GRIN2A: variants seen among roughly 807,000 people sequenced by gnomAD.
GRIN2A encodes glutamate receptor ionotropic, NMDA 2A.
A neutral mutation model predicts 113.4 loss-of-function variants in GRIN2A; 22 were observed. The ratio of observed to expected loss-of-function variants is 0.19; its 90% confidence interval spans 0.14 to 0.28. The LOEUF is 0.28. GRIN2A is among the 10% of genes least tolerant of loss of function. The probability of loss-of-function intolerance (pLI) is 1.00; values close to 1 mark genes in which losing one functional copy is unlikely to be tolerated. For synonymous variants in GRIN2A, 827 were observed against 738.4 expected (o/e 1.12, Z -1.94); for missense variants, 1,502 against 1,887.0 (o/e 0.80, Z 3.78).
chr16:9,987,297 C>T (rs1375439907), intron 2 of GRIN2A, among the ~76,000 whole-genome samples: 4 of 152,166 alleles, frequency 2.6e-5, no homozygotes, highest in African/African-American at 7.2e-5. Flanking sequence ...TATATTTCTT[C>T]CTTTTATAAA....
At chr16:10,124,905 T>C (rs1318309708) in intron 2 of GRIN2A, among the ~76,000 whole-genome samples, 3 of 152,146 alleles carry the variant, frequency 2.0e-5, no homozygotes, top group Non-Finnish European at 4.4e-5. Context: ...AAAGCCAAGT[T>C]GTGAAGAAGT....
At chr16:9,872,034 G>A (rs1596523340) in intron 4 of GRIN2A, among the ~76,000 whole-genome samples, 2 of 152,228 alleles carry the variant, frequency 1.3e-5, no homozygotes, top group Non-Finnish European at 2.9e-5. Context: ...CAATAATAGT[G>A]CCAATATCAT....
intron 2 of GRIN2A, among the ~76,000 whole-genome samples, chr16:10,115,499 C>T (rs149321456): frequency 1.4e-3 from 210 of 152,346 alleles, no homozygotes; most frequent in African/African-American, 4.6e-3. Flanking sequence ...TCCATGTGCA[C>T]ACCCTGGGGC....
chr16:9,833,235 T>G (rs1052194635), intron 8 of GRIN2A, among the ~76,000 whole-genome samples: 3 of 152,218 alleles, frequency 2.0e-5, no homozygotes, highest in African/African-American at 7.2e-5. Context: ...TTATTTCCTA[T>G]CTACTGATTG....
chr16:9,820,020 T>A (rs1198875700), intron 10 of GRIN2A, among the ~76,000 whole-genome samples: 1 of 151,482 alleles, frequency 6.6e-6, no homozygotes, highest in Non-Finnish European at 1.5e-5. Context: ...CATGGGAGAT[T>A]GAGTATAGAA....
chr16:10,153,103 G>C (rs1271437603), intron 2 of GRIN2A, among the ~76,000 whole-genome samples: 2 of 152,142 alleles, frequency 1.3e-5, no homozygotes, highest in Admixed American at 1.3e-4. Context: ...CGATAATTTT[G>C]TGTCCATGTA....
intron 2 of GRIN2A, among the ~76,000 whole-genome samples, chr16:10,080,241 C>T (rs1311585396): frequency 6.6e-6 from 1 of 152,172 alleles, no homozygotes; most frequent in Non-Finnish European, 1.5e-5. Flanking sequence ...CCAAGGCAGT[C>T]ATCAAATATT....
chr16:9,860,909 C>T (rs898458279), intron 4 of GRIN2A, among the ~76,000 whole-genome samples: 1 of 152,114 alleles, frequency 6.6e-6, no homozygotes, highest in Admixed American at 6.5e-5. Context: ...AAGAAGTATC[C>T]GCTGAACTGA....
chr16:9,858,297 T>C (rs961565444), intron 4 of GRIN2A, among the ~76,000 whole-genome samples: 2 of 152,176 alleles, frequency 1.3e-5, no homozygotes, highest in African/African-American at 4.8e-5. Context: ...TAGGCACTTA[T>C]TATGTATCAG....
intron 2 of GRIN2A, among the ~76,000 whole-genome samples, chr16:9,997,070 C>T (rs1166118188): frequency 6.6e-6 from 1 of 152,104 alleles, no homozygotes; most frequent in Non-Finnish European, 1.5e-5. Flanking sequence ...ATCCTGACAA[C>T]ACAGAAGAAA....
At chr16:9,953,537 T>C (rs191376402) in intron 2 of GRIN2A, among the ~76,000 whole-genome samples, 3 of 151,722 alleles carry the variant, frequency 2.0e-5, no homozygotes, top group African/African-American at 7.3e-5. Context: ...GGTCTGAAGA[T>C]GAGAAAGGGG....
chr16:10,041,212 C>A (rs1055203454), intron 2 of GRIN2A, among the ~76,000 whole-genome samples: 17 of 152,108 alleles, frequency 1.1e-4, no homozygotes, highest in Non-Finnish European at 2.9e-5. Flanking sequence ...TCATTTTTAC[C>A]AGCTAATTCT....
At chr16:9,833,640 A>G (rs780646289) in intron 8 of GRIN2A, among the ~76,000 whole-genome samples, 4 of 152,258 alleles carry the variant, frequency 2.6e-5, no homozygotes, top group Non-Finnish European at 4.4e-5. Flanking sequence ...GTTGAAGTAC[A>G]TAAACCATAC....
chr16:10,161,283 GCCATGATTGTAAATTT>G (rs989712158), intron 2 of GRIN2A, among the ~76,000 whole-genome samples: 41 of 152,086 alleles, frequency 2.7e-4, no homozygotes, highest in African/African-American at 9.4e-4. Flanking sequence ...TTCCCCTTCT[GCCATGATTGTAAATTT>G]CCGGAGGCCT....
chr16:10,145,482 A>G (rs2049419990), intron 2 of GRIN2A, among the ~76,000 whole-genome samples: 1 of 151,244 alleles, frequency 6.6e-6, no homozygotes, highest in Non-Finnish European at 1.5e-5. Context: ...CGCAGTTTTT[A>G]ATATTATTTA....
intron 2 of GRIN2A, among the ~76,000 whole-genome samples, chr16:9,990,817 A>C (rs543318336): frequency 6.6e-6 from 1 of 152,016 alleles, no homozygotes; most frequent in Non-Finnish European, 1.5e-5. Context: ...CTGTAATCCA[A>C]GCACTTTGGG....
chr16:10,005,552 C>T (rs2046391938), intron 2 of GRIN2A, among the ~76,000 whole-genome samples: 1 of 152,162 alleles, frequency 6.6e-6, no homozygotes, highest in Admixed American at 6.5e-5. Flanking sequence ...GGGGGGTCCA[C>T]GCCCTACCTG....
At chr16:9,829,830 G>T (rs190878156) in intron 8 of GRIN2A, among the ~76,000 whole-genome samples, 178 bp from the exon 9 acceptor site, 1 of 152,076 alleles carries the variant, frequency 6.6e-6, no homozygotes, top group African/African-American at 2.4e-5. Flanking sequence ...TTAAAAATTA[G>T]CATTCTTCTC....
At chr16:9,924,935 T>G (rs1398325252) in intron 3 of GRIN2A, among the ~76,000 whole-genome samples, 2 of 152,212 alleles carry the variant, frequency 1.3e-5, no homozygotes, top group African/African-American at 4.8e-5. Context: ...TTAGAGTTAC[T>G]CTCTATAGTA....
Sources: allele counts gnomAD v4.1 joint callset (sites outside exome capture counted in the v4.1 genomes callset), GRCh38; gene constraint gnomAD v4.1.1; transcripts MANE v1.5; gene names NCBI Gene and HGNC (gene_info 2026-07-23, HGNC 2026-07-21).